Variants in TBC1D14 observed in about 807,000 individuals in gnomAD.
TBC1D14 encodes the protein TBC1 domain family member 14, also known as TBC1 domain family, member 14.
Under a neutral mutation model 79.0 loss-of-function variants are expected in TBC1D14, and 26 were observed. The observed-to-expected ratio is 0.33, with a 90% CI of 0.24 to 0.46. The LOEUF (loss-of-function observed/expected upper bound fraction) is 0.46. TBC1D14 is among the 20% of genes least tolerant of loss of function. TBC1D14 has a pLI of 1.00. For synonymous variants in TBC1D14, 394 were observed against 349.9 expected (o/e 1.13, Z -1.40); for missense variants, 769 against 887.6 (o/e 0.87, Z 1.70).
chr4:6,920,801 A>G (rs552783461), intron 1 of TBC1D14, among the ~76,000 whole-genome samples: 10 of 151,950 alleles, frequency 6.6e-5, no homozygotes, highest in Non-Finnish European at 1.3e-4. Flanking sequence ...ACTTTGAGAC[A>G]GAGTTTTGCT....
At chr4:6,984,740 T>A (rs189879876) in intron 3 of TBC1D14, among the ~76,000 whole-genome samples, 15 of 152,344 alleles carry the variant, frequency 9.8e-5, no homozygotes, top group Non-Finnish European at 2.1e-4. Context: ...CATGATGTAA[T>A]TGCAGACTGA....
intron 2 of TBC1D14, among the ~76,000 whole-genome samples, chr4:6,948,933 T>A (rs1713749896): frequency 6.6e-6 from 1 of 151,402 alleles, no homozygotes; most frequent in African/African-American, 2.4e-5. Context: ...CGTGGTGGCT[T>A]ACATCTGTAA....
chr4:6,931,240 G>A (rs1246665668), intron 2 of TBC1D14, among the ~76,000 whole-genome samples: 2 of 152,166 alleles, frequency 1.3e-5, no homozygotes, highest in Admixed American at 1.3e-4. Context: ...CCCCCATCCC[G>A]AGGGATTAAA....
intron 1 of TBC1D14, among the ~76,000 whole-genome samples, chr4:6,919,377 C>T (rs1448641591): frequency 6.6e-6 from 1 of 151,494 alleles, no homozygotes; most frequent in African/African-American, 2.4e-5. Flanking sequence ...AACTCCTGAC[C>T]TCAGGTGATC....
intron 2 of TBC1D14, among the ~76,000 whole-genome samples, chr4:6,942,272 G>C (rs1712985180): frequency 6.6e-6 from 1 of 151,948 alleles, no homozygotes; most frequent in African/African-American, 2.4e-5. Context: ...TATTTTTCAT[G>C]TGCACACATC....
At chr4:6,999,323 C>G (rs1719417232) in intron 6 of TBC1D14, 121 bp downstream of exon 6, 1 of 864,822 alleles carries the variant, frequency 1.2e-6, no homozygotes, top group African/African-American at 1.7e-5. Flanking sequence ...GAAGTTGCAT[C>G]ATCTTCCTTC....
At chr4:6,948,966 G>C (rs1713753238) in intron 2 of TBC1D14, among the ~76,000 whole-genome samples, 1 of 151,796 alleles carries the variant, frequency 6.6e-6, no homozygotes. Context: ...GGGAGGCCGA[G>C]GCGGGTGGAT....
intron 12 of TBC1D14, 74 bp downstream of exon 12, chr4:7,014,631 A>G (rs1171931600): frequency 3.8e-6 from 4 of 1,049,944 alleles, no homozygotes; most frequent in East Asian, 2.5e-5. Context: ...TTCTCTGCCA[A>G]CTTCTTCATG....
chr4:6,987,363 C>A, intron 3 of TBC1D14: 1 of 1,420,580 alleles, frequency 7.0e-7, no homozygotes, highest in Non-Finnish European at 9.2e-7. Flanking sequence ...AGTCGGGGTG[C>A]GGGCCGGTGC....
chr4:7,026,260 C>A lies in TBC1D14; in HGVS notation c.2016+998C>A, dbSNP rs1415467706. Among the ~76,000 whole-genome samples the A allele has an allele frequency of 2.6e-5, 4 of 152,248 alleles. No homozygotes were observed. In the East Asian group the frequency reaches 7.7e-4, roughly 29 times the overall value. On this transcript the variant is annotated intron_variant, in intron 13 of 13. Transcript: ENST00000409757. ...TGCAGTGTCAGTGACTGTGGAAGCG[C>A]AGCGGCTGTTGGAGCTGCCTCCCAC...
At chr4:6,962,342 G>A (rs991644050) in intron 2 of TBC1D14, among the ~76,000 whole-genome samples, 7 of 152,238 alleles carry the variant, frequency 4.6e-5, no homozygotes, top group African/African-American at 7.2e-5. Context: ...CACTGACCAT[G>A]TGTGGGTTGG....
At chr4:6,920,261 C>T (rs1723744559) in intron 1 of TBC1D14, among the ~76,000 whole-genome samples, 2 of 151,708 alleles carry the variant, frequency 1.3e-5, no homozygotes, top group South Asian at 2.1e-4. Context: ...GGAGATTAGT[C>T]CCCTCCCTTT....
intron 2 of TBC1D14, among the ~76,000 whole-genome samples, chr4:6,942,579 G>A (rs1377118336): frequency 2.6e-5 from 4 of 152,200 alleles, no homozygotes; most frequent in Non-Finnish European, 4.4e-5. Context: ...ACAGGTACAT[G>A]TTTATAGGCG....
intron 2 of TBC1D14, among the ~76,000 whole-genome samples, chr4:6,956,775 G>A (rs1714680309): frequency 6.6e-6 from 1 of 152,228 alleles, no homozygotes; most frequent in South Asian, 2.1e-4. Flanking sequence ...ATGCAGACCT[G>A]TGCCTGAGCT....
At chr4:6,974,677 G>A (rs1344434733) in intron 3 of TBC1D14, among the ~76,000 whole-genome samples, 2 of 152,172 alleles carry the variant, frequency 1.3e-5, no homozygotes, top group Admixed American at 6.5e-5. Flanking sequence ...CTTGTGTGTG[G>A]AATCTAACTG....
intron 8 of TBC1D14, 146 bp downstream of exon 8, chr4:7,005,070 TTG>T: frequency 1.2e-6 from 1 of 807,432 alleles, no homozygotes; most frequent in Non-Finnish European, 1.9e-6. Context: ...TTTTTTTGTT[TTG>T]TTTTTTTTAG....
chr4:6,950,702 C>T (rs1054579216), intron 2 of TBC1D14, among the ~76,000 whole-genome samples: 11 of 152,188 alleles, frequency 7.2e-5, no homozygotes, highest in African/African-American at 2.7e-4. Flanking sequence ...TTCTCCTTTA[C>T]ATGGTAAAGA....
chr4:7,001,291 C>A, intron 7 of TBC1D14, 40 bp downstream of exon 7: 1 of 1,524,868 alleles, frequency 6.6e-7, no homozygotes, highest in African/African-American at 1.4e-5. Context: ...CACCTCCAGG[C>A]CCTTTGGCTT....
chr4:7,005,073 T>G (rs1720043640), intron 8 of TBC1D14, 149 bp downstream of exon 8: 1 of 744,414 alleles, frequency 1.3e-6, no homozygotes, highest in African/African-American at 2.1e-5. Flanking sequence ...TTTTGTTTTG[T>G]TTTTTTTAGC....
Sources: gnomAD v4.1 joint callset for allele counts (sites outside exome capture counted in the v4.1 genomes callset) on GRCh38, gnomAD v4.1.1 for gene constraint, MANE v1.5 for transcripts, NCBI Gene and HGNC (gene_info 2026-07-23, HGNC 2026-07-21) for gene names.